The following GSE1 variants were observed in gnomAD, a reference collection of about 807,000 sequenced individuals.
The protein encoded by GSE1 is Gse1 coiled-coil protein.
A neutral mutation model predicts 112.6 loss-of-function variants in GSE1; 32 were observed. The observed-to-expected ratio is 0.28, with a 90% CI of 0.21 to 0.38. The LOEUF (loss-of-function observed/expected upper bound fraction) is 0.38, where lower values mean the gene tolerates loss of function less well. Among genes scored for constraint, GSE1 ranks in the 10% least tolerant of loss-of-function variants. The pLI, the probability that GSE1 is intolerant of heterozygous loss-of-function variation, is 1.00. For missense variants in GSE1, 2,348 were observed against 1,699.2 expected, an observed-to-expected ratio of 1.38 and a Z score of -6.71; for synonymous variants, 1,115 against 735.6, an observed-to-expected ratio of 1.52 and a Z score of -8.35.
At position 85,435,316 on chromosome 16, in the gene GSE1, C is replaced by G. The variant is rs186524641; in HGVS notation, c.2464+77673C>G. 2.8e-3 allele frequency among the ~76,000 whole-genome samples: 426 copies of G among 152,132 alleles called. 2 individuals carry two copies. The highest frequency in any genetic ancestry group is 9.6e-3 in the African/African-American group (399 of 41,504). ...ACCTGTGCCCTCCCACCACCCCCTC[C>G]CCCACTGTGGTAGAAATTCCTCTTA... On this transcript the variant is annotated intron_variant, in intron 2 of 2. Coordinates refer to the GSE1 transcript ENST00000637419.
intron 2 of GSE1, among the ~76,000 whole-genome samples, chr16:85,446,525 G>T (rs886391790): frequency 1.3e-5 from 2 of 152,152 alleles, no homozygotes; most frequent in Non-Finnish European, 2.9e-5. Flanking sequence ...TGGGCCCAGC[G>T]TTGGCTCTGG....
chr16:85,370,110 A>T (rs2047264162), intron 2 of GSE1, among the ~76,000 whole-genome samples: 3 of 152,194 alleles, frequency 2.0e-5, no homozygotes, highest in Admixed American at 6.5e-5. Flanking sequence ...CGGACCCAGG[A>T]GGTTCTGGGT....
chr16:85,566,088 C>T (rs182254320), intron 1 of GSE1, among the ~76,000 whole-genome samples: 9 of 152,268 alleles, frequency 5.9e-5, no homozygotes, highest in Admixed American at 3.3e-4. Flanking sequence ...TGACAGTGTT[C>T]GATGAGTTAA....
At chr16:85,268,360 C>T (rs774446763) in intron 1 of GSE1, among the ~76,000 whole-genome samples, 6 of 152,154 alleles carry the variant, frequency 3.9e-5, no homozygotes, top group African/African-American at 1.4e-4. Context: ...CTGCCAGGTC[C>T]CCACTGAGTG....
chr16:85,434,921 G>A (rs751534174), intron 2 of GSE1, among the ~76,000 whole-genome samples: 6 of 152,242 alleles, frequency 3.9e-5, no homozygotes, highest in African/African-American at 4.8e-5. Context: ...CCCTGTGGTC[G>A]CAGCCTTTCC....
intron 14 of GSE1, 47 bp downstream of exon 14, chr16:85,668,471 T>A: frequency 7.6e-7 from 1 of 1,320,368 alleles, no homozygotes; most frequent in Non-Finnish European, 1.1e-6. Flanking sequence ...GGAAAGTACC[T>A]TTGGAAAGGA....
At chr16:85,269,091 CG>C (rs1801660518) in intron 1 of GSE1, among the ~76,000 whole-genome samples, 1 of 148,304 alleles carries the variant, frequency 6.7e-6, no homozygotes, top group Non-Finnish European at 1.5e-5. Flanking sequence ...ATGGACAAAC[CG>C]AGCATCAATG....
In GSE1 at chr16:85,661,577, C is replaced by T. The variant is rs1462080994; in HGVS notation, c.2072C>T (p.Ala691Val). The T allele has an allele frequency of 6.2e-7, 1 of 1,610,522 alleles. No homozygotes were observed. Among genetic ancestry groups the T allele is most frequent in the South Asian group, 1.1e-5 (1 of 90,738 alleles). Residue 691 changes from alanine to valine, a missense_variant, in exon 9 of 16, where the codon GCC becomes GTC. Physicochemically the swap from Ala to Val is moderately conservative, Grantham distance 64. Transcript: ENST00000253458. Reference protein sequence around the residue: ...STQTILGQQRASLPQAATFGE... With the variant: ...STQTILGQQRVSLPQAATFGE... ...CAGACCATCCTGGGCCAGCAGCGGGCCTCCCTCCCACAGGCGGCCACCTTC... is the reference window on the plus strand; with the variant it reads ...CAGACCATCCTGGGCCAGCAGCGGGTCTCCCTCCCACAGGCGGCCACCTTC...
chr16:85,418,718 A>G (rs2048759348), intron 2 of GSE1, among the ~76,000 whole-genome samples: 1 of 152,114 alleles, frequency 6.6e-6, no homozygotes, highest in South Asian at 2.1e-4. Context: ...TGGCCACTAT[A>G]TGAGGAATAG....
At chr16:85,330,565 C>A (rs533669506) in intron 1 of GSE1, among the ~76,000 whole-genome samples, 1 of 152,346 alleles carries the variant, frequency 6.6e-6, no homozygotes, top group Non-Finnish European at 1.5e-5. Flanking sequence ...TCACCTGGGG[C>A]ACTGTGAGGG....
intron 1 of GSE1, among the ~76,000 whole-genome samples, chr16:85,274,756 C>T (rs966998967): frequency 6.6e-6 from 1 of 152,226 alleles, no homozygotes; most frequent in Non-Finnish European, 1.5e-5. Flanking sequence ...AGGCTGCTTC[C>T]AGCCTGCACG....
At chr16:85,509,296 A>G (rs764129566) in intron 2 of GSE1, among the ~76,000 whole-genome samples, 1 of 152,180 alleles carries the variant, frequency 6.6e-6, no homozygotes. Flanking sequence ...GTGGGAAGGC[A>G]GTGTTGGTGG....
At chr16:85,492,956 C>T (rs2051056768) in intron 2 of GSE1, among the ~76,000 whole-genome samples, 1 of 152,226 alleles carries the variant, frequency 6.6e-6, no homozygotes, top group Non-Finnish European at 1.5e-5. Context: ...GTTGGCGATA[C>T]ACGTCCTGAG....
intron 2 of GSE1, among the ~76,000 whole-genome samples, chr16:85,402,180 T>C (rs896942991): frequency 6.6e-6 from 1 of 152,234 alleles, no homozygotes; most frequent in Non-Finnish European, 1.5e-5. Context: ...ATGTCTGGGC[T>C]GTGTCCATAG....
intron 2 of GSE1, among the ~76,000 whole-genome samples, chr16:85,638,689 C>T (rs1391375662): frequency 7.0e-6 from 1 of 143,772 alleles, no homozygotes; most frequent in Non-Finnish European, 1.5e-5. Context: ...CTAATGCTGC[C>T]TCCTTTCACC....
In GSE1 at chr16:85,486,174, TCCTCCCTG is replaced by T. The variant is rs1226544075; in HGVS notation, c.2464+128535_2464+128542del. On this transcript the variant is annotated intron_variant, in intron 2 of 2. Transcript: ENST00000637419. ...CCTCTTCTCTCCCTCCCTACTCCCT[TCCTCCCTG>T]CCTGCCTCTCTCCCTCTCCCCTTCT... Among the ~76,000 whole-genome samples, 5 of 152,146 alleles carry T rather than the reference TCCTCCCTG, an allele frequency of 3.3e-5. No individual in the cohort carries two copies. The South Asian group carries it at 1.0e-3, about 32-fold the overall frequency.
At chr16:85,483,471 G>A (rs1331153554) in intron 2 of GSE1, among the ~76,000 whole-genome samples, 3 of 152,266 alleles carry the variant, frequency 2.0e-5, no homozygotes, top group Non-Finnish European at 2.9e-5. Flanking sequence ...GTGAGAGCCT[G>A]TCTAGTTCCC....
chr16:85,236,512 T>A (rs1404554082), intron 1 of GSE1, among the ~76,000 whole-genome samples: 1 of 152,168 alleles, frequency 6.6e-6, no homozygotes, highest in African/African-American at 2.4e-5. Context: ...GAGAACGGCC[T>A]GTGCATAGGC....
chr16:85,426,056 T>TGGAAGGAAGGATGGATGGATGGAA (rs1555510018), intron 2 of GSE1, among the ~76,000 whole-genome samples: 10 of 144,142 alleles, frequency 6.9e-5, no homozygotes, highest in South Asian at 2.3e-4. Context: ...GATGGATGGA[T>TGGAAGGAAGGATGGATGGATGGAA]GGATGGATGG....
Sources: gnomAD v4.1 joint callset for allele counts (sites outside exome capture counted in the v4.1 genomes callset) on GRCh38, gnomAD v4.1.1 for gene constraint, MANE v1.5 for transcripts, NCBI Gene and HGNC (gene_info 2026-07-23, HGNC 2026-07-21) for gene names.